The following RSPO2 variants were observed in gnomAD, a reference collection of about 807,000 sequenced individuals.
RSPO2 encodes R-spondin 2.
In RSPO2, 14 loss-of-function variants were observed where a neutral mutation model predicts 30.9. The observed-to-expected ratio is 0.45, with a 90% CI of 0.30 to 0.71. The LOEUF is 0.71. Ranked by LOEUF, RSPO2 falls within the 30% of genes least tolerant of loss-of-function variation. The probability of loss-of-function intolerance (pLI) is 0.08; values close to 1 mark genes in which losing one functional copy is unlikely to be tolerated. For missense variants in RSPO2, 264 were observed against 301.9 expected (o/e 0.87, Z 0.93); for synonymous variants, 107 against 96.4 (o/e 1.11, Z -0.64).
chr8:107,914,667 T>C (rs1006164390), intron 5 of RSPO2, among the ~76,000 whole-genome samples: 40 of 152,116 alleles, frequency 2.6e-4, no homozygotes, highest in African/African-American at 9.2e-4. Context: ...TTTCAAAAAT[T>C]AGTTACCTAT....
At chr8:107,934,711 C>G (rs578133317) in intron 5 of RSPO2, among the ~76,000 whole-genome samples, 250 of 152,274 alleles carry the variant, frequency 1.6e-3, no homozygotes, top group African/African-American at 5.7e-3. Flanking sequence ...GAGGGACCAG[C>G]TGAAGCCATG....
intron 5 of RSPO2, among the ~76,000 whole-genome samples, chr8:107,949,931 C>T (rs77443982): frequency 0.029 from 4,384 of 152,178 alleles, 241 homozygotes; most frequent in African/African-American, 0.1. Context: ...ATAGTCACAC[C>T]TTCAGCCTTC....
At chr8:107,926,771 C>T (rs1048520054) in intron 5 of RSPO2, among the ~76,000 whole-genome samples, 2 of 152,138 alleles carry the variant, frequency 1.3e-5, no homozygotes, top group East Asian at 3.9e-4. Flanking sequence ...ATTTTGGTAC[C>T]AGTACCATGC....
At chr8:107,908,484 C>T (rs1388160908) in intron 5 of RSPO2, among the ~76,000 whole-genome samples, 1 of 152,066 alleles carries the variant, frequency 6.6e-6, no homozygotes, top group Non-Finnish European at 1.5e-5. Context: ...TACGACTCTA[C>T]TATTTGTGTG....
intron 2 of RSPO2, among the ~76,000 whole-genome samples, chr8:108,049,082 C>A (rs1337311291): frequency 1.3e-5 from 2 of 151,866 alleles, no homozygotes; most frequent in Non-Finnish European, 2.9e-5. Flanking sequence ...AAGTACTTTA[C>A]TTCTGAGGCC....
At chr8:108,064,375 T>G (rs1020014034) in intron 2 of RSPO2, among the ~76,000 whole-genome samples, 10 of 152,088 alleles carry the variant, frequency 6.6e-5, no homozygotes, top group African/African-American at 1.2e-4. Flanking sequence ...TATGAACAGA[T>G]ACTTCTCAAA....
intron 2 of RSPO2, among the ~76,000 whole-genome samples, chr8:108,004,219 GA>G: frequency 6.6e-6 from 1 of 152,286 alleles, no homozygotes; most frequent in South Asian, 2.1e-4. Flanking sequence ...AGGTTAAAGA[GA>G]AATCTTCAGA....
chr8:108,011,254 G>T (rs1484075970), intron 2 of RSPO2, among the ~76,000 whole-genome samples: 3 of 151,314 alleles, frequency 2.0e-5, no homozygotes, highest in Non-Finnish European at 4.4e-5. Flanking sequence ...GGAAAGGAAA[G>T]AAAGTAAAGT....
intron 2 of RSPO2, among the ~76,000 whole-genome samples, chr8:107,994,707 A>G (rs1814955676): frequency 1.3e-5 from 2 of 152,172 alleles, no homozygotes. Context: ...ACTTCATTTT[A>G]TCGAGTTAAC....
At chr8:107,909,312 G>A (rs1811750274) in intron 5 of RSPO2, among the ~76,000 whole-genome samples, 1 of 148,420 alleles carries the variant, frequency 6.7e-6, no homozygotes, top group African/African-American at 2.5e-5. Context: ...GCCCAGGCTG[G>A]AGTGCAGTGG....
At chr8:108,008,249 T>G (rs1279809396) in intron 2 of RSPO2, among the ~76,000 whole-genome samples, 1 of 152,144 alleles carries the variant, frequency 6.6e-6, no homozygotes, top group East Asian at 1.9e-4. Context: ...AAACCCAAAT[T>G]TCTTGCTTTT....
At chr8:108,050,977 A>G (rs1411177987) in intron 2 of RSPO2, among the ~76,000 whole-genome samples, 1 of 152,192 alleles carries the variant, frequency 6.6e-6, no homozygotes, top group East Asian at 1.9e-4. Context: ...CTACAGCAAC[A>G]TGCCACAAAT....
At chr8:107,930,157 A>G (rs1812508168) in intron 5 of RSPO2, among the ~76,000 whole-genome samples, 1 of 152,188 alleles carries the variant, frequency 6.6e-6, no homozygotes, top group African/African-American at 2.4e-5. Context: ...GGTATTCATT[A>G]CAAGTTTTGA....
chr8:107,963,045 C>A lies in RSPO2; in HGVS notation c.284-2228G>T, dbSNP rs543514694. Among the ~76,000 whole-genome samples, 9 of 152,160 alleles carry A rather than the reference C, an allele frequency of 5.9e-5. No individual in the cohort carries two copies. The East Asian group carries it at 1.7e-3, about 29-fold the overall frequency. On this transcript the variant is annotated intron_variant, in intron 3 of 5. Transcript: ENST00000276659. ...CATAGAATATGGAATTGCTGAAATA[C>A]CTATCATGCTCTGTAAAGTCCCTGA...
intron 2 of RSPO2, 149 bp downstream of exon 2, chr8:108,082,396 G>A (rs1813231922): frequency 1.7e-6 from 1 of 605,050 alleles, no homozygotes; most frequent in Non-Finnish European, 2.9e-6. Flanking sequence ...AGAGCTCCAG[G>A]GTCCTAAAGG....
intron 3 of RSPO2, among the ~76,000 whole-genome samples, chr8:107,962,824 G>A (rs1031128446): frequency 2.6e-5 from 4 of 151,956 alleles, no homozygotes; most frequent in Non-Finnish European, 4.4e-5. Flanking sequence ...GAGAAAAAGA[G>A]GACTTTACAC....
At chr8:108,034,810 A>G (rs531307747) in intron 2 of RSPO2, among the ~76,000 whole-genome samples, 15 of 152,358 alleles carry the variant, frequency 9.8e-5, no homozygotes, top group African/African-American at 2.9e-4. Context: ...TGCACTAAAT[A>G]TCAAGAAAAG....
At chr8:108,000,090 G>A (rs764069222) in intron 2 of RSPO2, among the ~76,000 whole-genome samples, 1 of 152,120 alleles carries the variant, frequency 6.6e-6, no homozygotes. Flanking sequence ...TAATAACTAC[G>A]GTTCAAGGAA....
At chr8:107,933,055 A>C (rs1465666737) in intron 5 of RSPO2, among the ~76,000 whole-genome samples, 1 of 152,172 alleles carries the variant, frequency 6.6e-6, no homozygotes, top group African/African-American at 2.4e-5. Flanking sequence ...CTATCCCTAC[A>C]GAACACCAAA....
Sources: allele counts gnomAD v4.1 joint callset (sites outside exome capture counted in the v4.1 genomes callset), GRCh38; gene constraint gnomAD v4.1.1; transcripts MANE v1.5; gene names NCBI Gene and HGNC (gene_info 2026-07-23, HGNC 2026-07-21).